BTG4: variants seen among roughly 807,000 people sequenced by gnomAD.
BTG4 encodes BTG anti-proliferation factor 4.
A neutral mutation model predicts 19.3 loss-of-function variants in BTG4; 10 were observed. The ratio of observed to expected loss-of-function variants is 0.52; its 90% CI spans 0.32 to 0.88. The LOEUF is 0.88. Among genes scored for constraint, BTG4 ranks in the 40% least tolerant of loss-of-function variants. The pLI, the probability that BTG4 is intolerant of heterozygous loss-of-function variation, is 0.04. For missense variants in BTG4, 238 were observed against 281.9 expected (o/e 0.84, Z 1.11); for synonymous variants, 91 against 95.7 (o/e 0.95, Z 0.29).
Position 111,479,209 on chromosome 11 carries a change from A to C in BTG4, c.663-11528T>G, listed in dbSNP as rs561970192. On this transcript the variant is annotated intron_variant, in intron 5 of 5. Transcript: ENST00000356018. ...CAGGAAGCCAGGAAGAAGTGGCACAATATTTTTCTAATGCTGAATGAAAAG... is the reference window on the plus strand; with the variant it reads ...CAGGAAGCCAGGAAGAAGTGGCACACTATTTTTCTAATGCTGAATGAAAAG... 1.2e-4 allele frequency among the ~76,000 whole-genome samples: 19 copies of C among 152,290 alleles called. 1 individual carries two copies. The South Asian group carries it at 3.9e-3, about 32-fold the overall frequency.
the BTG4 span, chr11:111,454,446 T>C: frequency 2.6e-6 from 1 of 388,364 alleles, no homozygotes; most frequent in Non-Finnish European, 5.0e-6. Flanking sequence ...GAGTTGGTTA[T>C]AGGACATAGA....
At chr11:111,439,306 T>G in the BTG4 span, among the ~76,000 whole-genome samples, 2 of 152,242 alleles carry the variant, frequency 1.3e-5, no homozygotes, top group East Asian at 3.8e-4. Context: ...CAGCGCATTG[T>G]GGCAGCACAG....
chr11:111,491,514 G>A (rs886230848), downstream of BTG4, among the ~76,000 whole-genome samples: 10 of 152,060 alleles, frequency 6.6e-5, no homozygotes, highest in African/African-American at 2.4e-4. Context: ...TTGGGAAGCC[G>A]AAGCGGGAGG....
chr11:111,487,880 C>A (rs1425857775), intron 5 of BTG4, among the ~76,000 whole-genome samples: 1 of 151,906 alleles, frequency 6.6e-6, no homozygotes, highest in Non-Finnish European at 1.5e-5. Flanking sequence ...AAATAAAATA[C>A]CTAGGAATAA....
intron 4 of BTG4, 83 bp from the exon 5 acceptor site, chr11:111,495,397 C>T (rs549636622): frequency 6.5e-6 from 8 of 1,225,296 alleles, no homozygotes; most frequent in Admixed American, 2.2e-5. Context: ...TCAGGCACTT[C>T]AAAAGCATAG....
chr11:111,389,730 A>G, the BTG4 span, among the ~76,000 whole-genome samples: 1 of 152,380 alleles, frequency 6.6e-6, no homozygotes, highest in African/African-American at 2.4e-5. Flanking sequence ...AAAAGGTATA[A>G]TAAATGTAAC....
chr11:111,432,472 C>T, the BTG4 span, among the ~76,000 whole-genome samples: 1 of 152,084 alleles, frequency 6.6e-6, no homozygotes, highest in African/African-American at 2.4e-5. Context: ...GGTGAAACCC[C>T]ATCTCTACTA....
chr11:111,411,817 G>A, the BTG4 span, among the ~76,000 whole-genome samples: 1 of 152,130 alleles, frequency 6.6e-6, no homozygotes, highest in South Asian at 2.1e-4. Flanking sequence ...TCTGATTTTT[G>A]TTGGTCTTTT....
At chr11:111,440,980 C>G in the BTG4 span, among the ~76,000 whole-genome samples, 2 of 152,186 alleles carry the variant, frequency 1.3e-5, no homozygotes, top group Admixed American at 6.5e-5. Flanking sequence ...AGACAGGCAC[C>G]CGCAGACCCA....
chr11:111,489,348 T>A (rs373271695), intron 5 of BTG4, among the ~76,000 whole-genome samples: 2 of 152,206 alleles, frequency 1.3e-5, no homozygotes, highest in Admixed American at 1.3e-4. Context: ...TGCAAACTCC[T>A]ACAGCCACTA....
chr11:111,453,742 A>C, the BTG4 span, among the ~76,000 whole-genome samples: 1 of 152,356 alleles, frequency 6.6e-6, no homozygotes, highest in South Asian at 2.1e-4. Context: ...ACTGTATGTC[A>C]TAACACTGCC....
At chr11:111,430,735 A>T in the BTG4 span, among the ~76,000 whole-genome samples, 6 of 152,198 alleles carry the variant, frequency 3.9e-5, no homozygotes, top group Non-Finnish European at 7.3e-5. Context: ...AACCCAGATG[A>T]GGAAACTGAG....
chr11:111,495,352 CTG>C (rs1334453211), intron 4 of BTG4, 38 bp from the exon 5 acceptor site: 1 of 1,542,354 alleles, frequency 6.5e-7, no homozygotes, highest in African/African-American at 1.4e-5. Context: ...AATAAGCTAG[CTG>C]TAAGGACTAA....
the BTG4 span, chr11:111,414,349 T>C: frequency 6.6e-6 from 1 of 152,176 alleles, no homozygotes; most frequent in Non-Finnish European, 1.5e-5. Flanking sequence ...GTGGAGGAGA[T>C]GAGTCCTGAG....
At chr11:111,415,288 A>T in the BTG4 span, among the ~76,000 whole-genome samples, 1 of 152,190 alleles carries the variant, frequency 6.6e-6, no homozygotes, top group African/African-American at 2.4e-5. Context: ...TCCCTCCTCC[A>T]AAGCTGCTTC....
the BTG4 span, chr11:111,397,438 T>C: frequency 1.3e-5 from 2 of 152,162 alleles, no homozygotes; most frequent in African/African-American, 4.8e-5. Flanking sequence ...CACACCAGGG[T>C]TTCTCTCTAC....
At chr11:111,403,868 A>G in the BTG4 span, among the ~76,000 whole-genome samples, 1 of 152,220 alleles carries the variant, frequency 6.6e-6, no homozygotes, top group African/African-American at 2.4e-5. Flanking sequence ...TAGCAGTAGA[A>G]CTAATAACAA....
intron 5 of BTG4, among the ~76,000 whole-genome samples, chr11:111,481,424 T>C (rs1299333652): frequency 6.6e-6 from 1 of 151,834 alleles, no homozygotes; most frequent in Non-Finnish European, 1.5e-5. Flanking sequence ...TACATTCTGA[T>C]CTACTTTATG....
the BTG4 span, among the ~76,000 whole-genome samples, chr11:111,388,954 T>A: frequency 2.6e-4 from 40 of 152,376 alleles, no homozygotes; most frequent in African/African-American, 9.6e-4. Flanking sequence ...CCTGAAACTT[T>A]AAGCCCTCCA....
Sources: allele counts gnomAD v4.1 joint callset (sites outside exome capture counted in the v4.1 genomes callset), GRCh38; gene constraint gnomAD v4.1.1; transcripts MANE v1.5; gene names NCBI Gene and HGNC (gene_info 2026-07-23, HGNC 2026-07-21).